KCND2: variants seen among roughly 807,000 people sequenced by gnomAD.
The protein encoded by KCND2 is A-type voltage-gated potassium channel KCND2.
A neutral mutation model predicts 54.4 loss-of-function variants in KCND2; 16 were observed. That is an observed-to-expected ratio of 0.29 (90% confidence interval 0.20 to 0.45). The LOEUF (loss-of-function observed/expected upper bound fraction) is 0.45. Ranked by LOEUF, KCND2 falls within the 20% of genes least tolerant of loss-of-function variation. The pLI, the probability that KCND2 is intolerant of heterozygous loss-of-function variation, is 1.00. For synonymous variants in KCND2, 317 were observed against 310.7 expected, an observed-to-expected ratio of 1.02 and a Z score of -0.21; for missense variants, 486 against 824.2, an observed-to-expected ratio of 0.59 and a Z score of 5.02.
intron 1 of KCND2, among the ~76,000 whole-genome samples, chr7:120,592,539 A>C (rs1451910069): frequency 6.6e-6 from 1 of 152,222 alleles, no homozygotes; most frequent in Non-Finnish European, 1.5e-5. Context: ...TTCAAAACAG[A>C]AGAAGAAGCA....
At chr7:120,674,456 A>G (rs1276774163) in intron 1 of KCND2, among the ~76,000 whole-genome samples, 1 of 152,216 alleles carries the variant, frequency 6.6e-6, no homozygotes, top group African/African-American at 2.4e-5. Flanking sequence ...TATGAATTAA[A>G]TAAATGTAAA....
chr7:120,738,830 A>C (rs1187386144), intron 2 of KCND2, among the ~76,000 whole-genome samples: 2 of 152,028 alleles, frequency 1.3e-5, no homozygotes, highest in Admixed American at 6.6e-5. Flanking sequence ...TTGTAAAATA[A>C]TTTCCCTCAA....
At chr7:120,526,148 A>G (rs1378635242) in intron 1 of KCND2, among the ~76,000 whole-genome samples, 5 of 152,124 alleles carry the variant, frequency 3.3e-5, no homozygotes, top group Non-Finnish European at 7.4e-5. Context: ...ACTGTGAACT[A>G]TATATTCTGT....
intron 1 of KCND2, among the ~76,000 whole-genome samples, chr7:120,682,149 C>T (rs2116590766): frequency 6.6e-6 from 1 of 152,076 alleles, no homozygotes; most frequent in Admixed American, 6.6e-5. Context: ...GTAAACTTCC[C>T]TCATTTTCTT....
At chr7:120,487,890 G>A (rs1328873141) in intron 1 of KCND2, among the ~76,000 whole-genome samples, 1 of 152,088 alleles carries the variant, frequency 6.6e-6, no homozygotes, top group Non-Finnish European at 1.5e-5. Context: ...TTCAAAATTA[G>A]TTATGTACAG....
intron 1 of KCND2, among the ~76,000 whole-genome samples, chr7:120,373,046 A>C (rs954789154): frequency 6.6e-6 from 1 of 151,872 alleles, no homozygotes; most frequent in Non-Finnish European, 1.5e-5. Context: ...GATACCTTTC[A>C]GTGACTTGTG....
chr7:120,530,321 A>G (rs1791827876), intron 1 of KCND2, among the ~76,000 whole-genome samples: 1 of 152,192 alleles, frequency 6.6e-6, no homozygotes, highest in Non-Finnish European at 1.5e-5. Context: ...ACAAAAATGT[A>G]GAATAAAAAA....
intron 1 of KCND2, among the ~76,000 whole-genome samples, chr7:120,498,394 C>A (rs1428398142): frequency 7.4e-6 from 1 of 134,690 alleles, no homozygotes; most frequent in Non-Finnish European, 1.5e-5. Context: ...GCAGGAGAAT[C>A]ACTTGAACCC....
intron 1 of KCND2, among the ~76,000 whole-genome samples, chr7:120,535,820 A>G (rs1223797668): frequency 1.3e-5 from 2 of 152,174 alleles, no homozygotes; most frequent in Non-Finnish European, 2.9e-5. Flanking sequence ...GGATGAAGGC[A>G]TCCAGCTGGA....
In KCND2 at chr7:120,515,491, A is replaced by T. The variant is rs151227385; in HGVS notation, c.1116-217412A>T. Among the ~76,000 whole-genome samples, 415 of 152,272 alleles carry T rather than the reference A, an allele frequency of 2.7e-3. 2 individuals carry two copies. The highest frequency in any genetic ancestry group is 9.5e-3 in the African/African-American group (396 of 41,580). ...GAAGAAATAGTAGTTGCAAGAAGAT[A>T]TCACCTCTAGGACTGGGAGAACAGA... On this transcript the variant is annotated intron_variant, in intron 1 of 5. Coordinates refer to ENST00000331113, the MANE Select transcript of KCND2 (RefSeq NM_012281.3).
intron 1 of KCND2, among the ~76,000 whole-genome samples, chr7:120,604,774 A>T (rs1027902985): frequency 2.0e-5 from 3 of 149,686 alleles, no homozygotes; most frequent in Non-Finnish European, 3.0e-5. Flanking sequence ...AACAAGAAAA[A>T]TTTTTTTATG....
At chr7:120,651,599 G>A (rs962914059) in intron 1 of KCND2, among the ~76,000 whole-genome samples, 6 of 152,210 alleles carry the variant, frequency 3.9e-5, no homozygotes, top group Admixed American at 2.0e-4. Context: ...TTCAGCTCAC[G>A]CTCGATGGGC....
At chr7:120,629,498 GA>G (rs201838545) in intron 1 of KCND2, among the ~76,000 whole-genome samples, 58 of 150,926 alleles carry the variant, frequency 3.8e-4, no homozygotes, top group Admixed American at 1.7e-3. Flanking sequence ...GGGTGGGGTG[GA>G]AAAAAAAAGA....
At chr7:120,550,794 A>C (rs1240185247) in intron 1 of KCND2, among the ~76,000 whole-genome samples, 1 of 152,216 alleles carries the variant, frequency 6.6e-6, no homozygotes, top group Admixed American at 6.5e-5. Context: ...GGGAAGAGGC[A>C]AAGTAATATG....
intron 1 of KCND2, among the ~76,000 whole-genome samples, chr7:120,675,155 C>G (rs1178108400): frequency 6.6e-6 from 1 of 152,080 alleles, no homozygotes; most frequent in African/African-American, 2.4e-5. Flanking sequence ...TTGTTCAACT[C>G]TGTTCATACT....
At position 120,736,124 on chromosome 7, in the gene KCND2, T is replaced by A. The variant is rs187106480; in HGVS notation, c.1278+3059T>A. Among the ~76,000 whole-genome samples the A allele has an allele frequency of 1.6e-4, 25 of 152,196 alleles. No individual in the cohort carries two copies. In the East Asian group the frequency reaches 4.3e-3, roughly 26 times the overall value. On this transcript the variant is annotated intron_variant, in intron 2 of 5. Coordinates refer to ENST00000331113, the MANE Select transcript of KCND2 (RefSeq NM_012281.3). The stretch of plus-strand genomic sequence containing the variant: ...TTACAAAATGGTTTGTTAGACCATA[T>A]TTTTGGTGTTTAATTCAATTGCCAC...
intron 1 of KCND2, among the ~76,000 whole-genome samples, chr7:120,347,237 A>C (rs1263757643): frequency 6.6e-6 from 1 of 152,118 alleles, no homozygotes; most frequent in East Asian, 1.9e-4. Context: ...TCCAGTAAAT[A>C]GTTGTCATAC....
At position 120,716,923 on chromosome 7, in the gene KCND2, AT is replaced by A. The variant is rs1312365872; in HGVS notation, c.1116-15972del. ...AACCAAGGATGGTACTGAACTCAAT[AT>A]TTTTTTTCTATACATATATATCTAT... On this transcript the variant is annotated intron_variant, in intron 1 of 5. Coordinates refer to ENST00000331113, the MANE Select transcript of KCND2 (RefSeq NM_012281.3). Among the ~76,000 whole-genome samples the A allele has an allele frequency of 3.9e-5, 6 of 152,010 alleles. No individual in the cohort carries two copies. In the South Asian group the frequency reaches 1.0e-3, roughly 26 times the overall value.
rs73722567 is a variant in KCND2 at position 120,320,367 on chromosome 7, T to C, written c.1115+44620T>C. ...ACCCTACCATTGTCTAAGATTGGAA[T>C]GGGCACCCAGGGACTAGCAGATGTG... On this transcript the variant is annotated intron_variant, in intron 1 of 5. Coordinates refer to ENST00000331113, the MANE Select transcript of KCND2 (RefSeq NM_012281.3). 4.9e-3 allele frequency among the ~76,000 whole-genome samples: 743 copies of C among 152,212 alleles called. 9 individuals carry two copies. The highest frequency in any genetic ancestry group is 0.017 in the African/African-American group (706 of 41,554).
Sources: allele counts gnomAD v4.1 joint callset (sites outside exome capture counted in the v4.1 genomes callset), GRCh38; gene constraint gnomAD v4.1.1; transcripts MANE v1.5; gene names NCBI Gene and HGNC (gene_info 2026-07-23, HGNC 2026-07-21).